The following BBOF1 variants were observed in gnomAD, a reference collection of about 807,000 sequenced individuals.
BBOF1 encodes the protein basal body orientation factor 1, also known as basal body-orientation factor 1.
In BBOF1, 62 loss-of-function variants were observed where a neutral mutation model predicts 68.0. The ratio of observed to expected loss-of-function variants is 0.91; its 90% CI spans 0.74 to 1.13. BBOF1 has a LOEUF of 1.13. Among genes scored for constraint, BBOF1 ranks in the 50% most tolerant of loss-of-function variants. The probability of loss-of-function intolerance (pLI) is 0.00; values close to 1 mark genes in which losing one functional copy is unlikely to be tolerated. For synonymous variants in BBOF1, 208 were observed against 198.8 expected (o/e 1.05, Z -0.39); for missense variants, 534 against 600.1 (o/e 0.89, Z 1.15).
chr14:74,069,052 C>T, downstream of BBOF1: 1 of 1,513,600 alleles, frequency 6.6e-7, no homozygotes. Flanking sequence ...TTTCCCCTTT[C>T]CCCACTGCTA....
chr14:74,059,176 T>C, intron 11 of BBOF1: 1 of 227,840 alleles, frequency 4.4e-6, no homozygotes, highest in South Asian at 4.7e-5. Flanking sequence ...CTTTATGTCA[T>C]GGAAAGCTTC....
chr14:74,031,388 T>C (rs2059565652), intron 3 of BBOF1, among the ~76,000 whole-genome samples: 1 of 152,120 alleles, frequency 6.6e-6, no homozygotes, highest in African/African-American at 2.4e-5. Context: ...GTTGGAATTA[T>C]AGGTGTAGGC....
chr14:74,033,283 G>A (rs1246650110), intron 3 of BBOF1, among the ~76,000 whole-genome samples: 1 of 152,018 alleles, frequency 6.6e-6, no homozygotes, highest in East Asian at 1.9e-4. Context: ...AAAATAAAAG[G>A]GGGACCGGGC....
At chr14:74,066,738 G>T (rs1257171639), downstream of BBOF1, 1 of 1,613,950 alleles carries the variant, frequency 6.2e-7, no homozygotes, top group Non-Finnish European at 8.5e-7. Flanking sequence ...GTCCAACAAA[G>T]TTGCCATTTT....
At chr14:74,059,683 G>A in intron 11 of BBOF1, 1 of 165,460 alleles carries the variant, frequency 6.0e-6, no homozygotes, top group Non-Finnish European at 1.3e-5. Context: ...CAACAAGAGT[G>A]AAACTCCATC....
Position 74,049,791 on chromosome 14 carries a change from C to T in BBOF1, c.882C>T (p.Asn294=). 1 of 1,614,134 alleles carries T rather than the reference C, an allele frequency of 6.2e-7. No homozygotes were observed. Residue 294 remains asparagine, a synonymous_variant, in exon 8 of 12, where the codon AAC becomes AAT. Coordinates refer to ENST00000394009, the MANE Select transcript of BBOF1 (RefSeq NM_025057.3). ...AAACCCTTCAGAAGAAGGTAGTAAA[C>T]TTGGAGACTGCTCTGAGTTACATGA... ...QIQTLQKKVV[N]LETALSYMTK...
intron 10 of BBOF1, among the ~76,000 whole-genome samples, chr14:74,080,341 C>G (rs1473114765): frequency 6.6e-6 from 1 of 151,280 alleles, no homozygotes; most frequent in African/African-American, 2.4e-5. Flanking sequence ...CCTAACACAT[C>G]TCTCAGCCTC....
At chr14:74,022,534 C>T (rs1236862361) in intron 1 of BBOF1, among the ~76,000 whole-genome samples, 1 of 152,004 alleles carries the variant, frequency 6.6e-6, no homozygotes, top group Non-Finnish European at 1.5e-5. Context: ...GTGACACAGC[C>T]AGGCCCAGTT....
In BBOF1 at chr14:74,022,967, C is replaced by G. The variant is rs1261835361; in HGVS notation, c.108C>G (p.Ala36=). 4 of 1,613,338 alleles carry G rather than the reference C, an allele frequency of 2.5e-6. No individual in the cohort carries two copies. Among genetic ancestry groups the G allele is most frequent in the African/African-American group, 1.3e-5 (1 of 74,940 alleles). ...TGGTGGACAGAGCCAAGGCCAATGC[C>G]TCCCTTTGGGAGGCCAGGTTGGAAG... is the stretch of plus-strand genomic sequence containing the variant. ...ESVVDRAKAN[A]SLWEARLEVT... Residue 36 remains alanine, a synonymous_variant, in exon 2 of 12, where the codon GCC becomes GCG. Transcript: ENST00000394009.
chr14:74,076,998 G>C (rs1031679680), intron 9 of BBOF1, among the ~76,000 whole-genome samples: 3 of 152,140 alleles, frequency 2.0e-5, no homozygotes, highest in Admixed American at 1.3e-4. Flanking sequence ...CCAGAGTATA[G>C]AGCTGCATGA....
chr14:74,034,140 GA>G lies in BBOF1; in HGVS notation c.469del (p.Ile157SerfsTer7), dbSNP rs747966369. ...ELKAVRQFQK[R>X]KIQVERELDD... ...AAAGCAGTAAGACAATTCCAGAAGA[GA>G]AAAATCCAAGTGGAGAGAGAGTTAG... is the stretch of plus-strand genomic sequence containing the variant. On this transcript the variant is annotated frameshift_variant, in exon 4 of 12. Transcript: ENST00000394009. LOFTEE classifies it high-confidence loss of function. The G allele has an allele frequency of 6.3e-6, 10 of 1,583,836 alleles. No individual in the cohort carries two copies. The East Asian group carries it at 1.9e-4, about 29-fold the overall frequency.
At chr14:74,040,193 A>ATG (rs937461472) in intron 4 of BBOF1, among the ~76,000 whole-genome samples, 2 of 151,940 alleles carry the variant, frequency 1.3e-5, no homozygotes, top group African/African-American at 4.8e-5. Flanking sequence ...GGGTTTGGCC[A>ATG]TGTTGCCCAG....
intron 4 of BBOF1, among the ~76,000 whole-genome samples, chr14:74,038,088 T>C (rs183071378): frequency 6.6e-6 from 1 of 152,338 alleles, no homozygotes; most frequent in East Asian, 1.9e-4. Flanking sequence ...ATTATATTTA[T>C]TTATCATTTA....
intron 5 of BBOF1, among the ~76,000 whole-genome samples, chr14:74,045,154 T>C (rs937990786): frequency 3.3e-5 from 5 of 152,184 alleles, no homozygotes; most frequent in Admixed American, 6.5e-5. Context: ...TCCTGGCACA[T>C]AGTAAATGCT....
chr14:74,028,202 T>C (rs1237421350), intron 2 of BBOF1, among the ~76,000 whole-genome samples: 1 of 151,844 alleles, frequency 6.6e-6, no homozygotes, highest in Non-Finnish European at 1.5e-5. Flanking sequence ...ACCCTGTCTC[T>C]ACAAAAAATA....
At chr14:74,029,281 T>C in intron 3 of BBOF1, 32 bp downstream of exon 3, 1 of 1,380,356 alleles carries the variant, frequency 7.2e-7, no homozygotes, top group Non-Finnish European at 1.0e-6. Flanking sequence ...ATACTCCACT[T>C]ACTGGATGGT....
intron 9 of BBOF1, chr14:74,071,761 T>C (rs1473842387): frequency 1.4e-6 from 2 of 1,451,374 alleles, no homozygotes; most frequent in Non-Finnish European, 1.9e-6. Context: ...ACTGCCATTT[T>C]TCACAAGTAT....
At chr14:74,062,056 A>G (rs1237709027) in intron 11 of BBOF1, among the ~76,000 whole-genome samples, 3 of 130,238 alleles carry the variant, frequency 2.3e-5, no homozygotes, top group East Asian at 4.1e-4. Flanking sequence ...ACTGGGAAAA[A>G]AAAAAAAAAA....
chr14:74,063,550 C>T (rs117281113), intron 11 of BBOF1, among the ~76,000 whole-genome samples: 3,309 of 151,716 alleles, frequency 0.022, 69 homozygotes, highest in Non-Finnish European at 0.035. Context: ...TCATTTTATA[C>T]GTGAATAAAT....
Sources: gnomAD v4.1 joint callset for allele counts (sites outside exome capture counted in the v4.1 genomes callset) on GRCh38, gnomAD v4.1.1 for gene constraint, MANE v1.5 for transcripts, NCBI Gene and HGNC (gene_info 2026-07-23, HGNC 2026-07-21) for gene names.